The following CRAMP1 variants were observed in gnomAD, a reference collection of about 807,000 sequenced individuals.
CRAMP1 encodes the protein cramped chromatin regulator 1.
CRAMP1 carries 50 observed loss-of-function variants against 115.4 expected under a neutral mutation model. That is an observed-to-expected ratio of 0.43 (90% CI 0.35 to 0.55). The LOEUF is 0.55. Ranked by LOEUF, CRAMP1 falls within the 20% of genes least tolerant of loss-of-function variation. The probability of loss-of-function intolerance (pLI) is 0.01; values close to 1 mark genes in which losing one functional copy is unlikely to be tolerated. For synonymous variants in CRAMP1, 866 were observed against 745.4 expected (o/e 1.16, Z -2.64); for missense variants, 1,679 against 1,721.7 (o/e 0.98, Z 0.44).
In CRAMP1 at chr16:1,614,699, G is replaced by A; in HGVS notation, c.60G>A (p.Lys20=). 2 of 1,335,230 alleles carry A rather than the reference G, an allele frequency of 1.5e-6. No homozygotes were observed. Among genetic ancestry groups the A allele is most frequent in the South Asian group, 2.1e-5 (1 of 46,722 alleles). 82.7% of individuals were successfully genotyped at this position (1,335,230 alleles called of 1,614,324 possible). ...AGGACGGGCTCAAGAAGCTGGGCAA[G>A]CGGGCGGCCGATGAGGAGTCCCTGG... is the stretch of plus-strand genomic sequence containing the variant. ...SGEDGLKKLG[K]RAADEESLEG... is the part of the protein sequence containing the mutation. The change falls in exon 2 of 21, where the codon AAG becomes AAA. Residue 20 remains lysine, a synonymous_variant. Coordinates refer to ENST00000397412, the MANE Select transcript of CRAMP1 (RefSeq NM_020825.4). The surrounding 1 kb of genome is among the most constrained non-coding windows in gnomAD (Gnocchi z 4.4).
chr16:1,674,192 A>G lies in CRAMP1; in HGVS notation c.*147A>G. The G allele has an allele frequency of 1.3e-6, 1 of 768,882 alleles. No individual in the cohort carries two copies. The allele number at this position is 768,882 out of a possible 1,614,324, so 47.6% of individuals were successfully genotyped here. The stretch of plus-strand genomic sequence containing the variant: ...AACGTGGTCACAGAGCTGCTTCCCC[A>G]CGAGCAGCAGGCAACGGCGTCCAAG... On this transcript the variant is annotated 3_prime_UTR_variant, in exon 21 of 21. Transcript: ENST00000397412.
chr16:1,669,176 G>T lies in CRAMP1; in HGVS notation c.3499+11G>T. 6.4e-7 allele frequency: 1 copy of T among 1,567,912 alleles called. No homozygotes were observed. The highest frequency in any genetic ancestry group is 8.6e-7 in the Non-Finnish European group (1 of 1,156,428). On this transcript the variant is annotated intron_variant, in intron 19 of 20. Transcript: ENST00000397412. The surrounding 1 kb of genome is among the most constrained non-coding windows in gnomAD (Gnocchi z 4.6). ...TCAGCAGCCTGTTTGGTGAGTGTATGGGGAGGGCTCCCATCTCCTTTTCCA... is the reference window on the plus strand; with the variant it reads ...TCAGCAGCCTGTTTGGTGAGTGTATTGGGAGGGCTCCCATCTCCTTTTCCA...
At position 1,674,958 on chromosome 16, in the gene CRAMP1, CTGTT is replaced by C. The variant is rs1251025959; in HGVS notation, c.*916_*919del. The C allele has an allele frequency of 6.6e-6, 1 of 152,254 alleles. No individual in the cohort carries two copies. The highest frequency in any genetic ancestry group is 1.5e-5 in the Non-Finnish European group (1 of 68,056). 9.4% of individuals were successfully genotyped at this position (152,254 alleles called of 1,614,324 possible). On this transcript the variant is annotated 3_prime_UTR_variant, in exon 21 of 21. Coordinates refer to ENST00000397412, the MANE Select transcript of CRAMP1 (RefSeq NM_020825.4). Reference sequence around the variant, plus strand: ...ATAAGTTCTCAAACTCGATGTGTGACTGTTTGGCACTTGAGACAAACCTGCCTTT... The same window carrying C: ...ATAAGTTCTCAAACTCGATGTGTGACTGGCACTTGAGACAAACCTGCCTTT...
At chr16:1,644,482 T>C (rs1046052627) in intron 6 of CRAMP1, among the ~76,000 whole-genome samples, 5 of 152,120 alleles carry the variant, frequency 3.3e-5, no homozygotes, top group African/African-American at 4.8e-5. Flanking sequence ...TAGCATGTGG[T>C]GTAGACATGT....
chr16:1,674,103 C>T lies in CRAMP1; in HGVS notation c.*58C>T. 6.5e-7 allele frequency: 1 copy of T among 1,529,156 alleles called. No individual in the cohort carries two copies. The highest frequency in any genetic ancestry group is 2.4e-5 in the East Asian group (1 of 42,284). The allele number at this position is 1,529,156 out of a possible 1,614,324, so 94.7% of individuals were successfully genotyped here. A position where few individuals can be genotyped will look rare whatever the true frequency, so the allele number is the denominator to read the frequency against. ...CGAGCTAGAGAAAAATAGATAAGCC[C>T]AGCAGCCCCAGAAGATGGTCTGAAC... On this transcript the variant is annotated 3_prime_UTR_variant, in exon 21 of 21. Coordinates refer to ENST00000397412, the MANE Select transcript of CRAMP1 (RefSeq NM_020825.4).
chr16:1,667,341 G>A lies in CRAMP1; in HGVS notation c.3043G>A (p.Asp1015Asn), dbSNP rs768371106. 35 of 1,612,906 alleles carry A rather than the reference G, an allele frequency of 2.2e-5. No individual in the cohort carries two copies. The highest frequency in any genetic ancestry group is 1.5e-4 in the South Asian group (14 of 91,054). The part of the protein sequence containing the change: ...GDTLPTVGGS[D>N]PFVSIPSRPE... The stretch of plus-strand genomic sequence containing the variant: ...GGGCGTGCTCTTCCTGCAGGGCTCC[G>A]ACCCATTTGTCAGCATCCCTTCGAG... The change falls in exon 17 of 21, where the codon GAC becomes AAC. Residue 1015 changes from aspartate to asparagine, a missense_variant. Transcript: ENST00000397412.
rs567829484 is a variant in CRAMP1, at chr16:1,636,371, CAAAA to C, written c.695-1443_695-1440del. 1.3e-3 allele frequency among the ~76,000 whole-genome samples: 158 copies of C among 124,380 alleles called. 1 individual carries two copies. The highest frequency in any genetic ancestry group is 4.5e-3 in the African/African-American group (151 of 33,612). 81.6% of individuals were successfully genotyped at this position (124,380 alleles called of 152,430 possible). ...GGGCAACAAGAGCGAAACTCTGTCT[CAAAA>C]AAAAAAAAAGAAAGAAAGAAAAAAA... is the stretch of plus-strand genomic sequence containing the variant. On this transcript the variant is annotated intron_variant, in intron 4 of 20. Transcript: ENST00000397412.
At chr16:1,662,266 A>G (rs2036837990) in intron 11 of CRAMP1, among the ~76,000 whole-genome samples, 3 of 152,228 alleles carry the variant, frequency 2.0e-5, no homozygotes, top group African/African-American at 4.8e-5. Flanking sequence ...CTTTTGTCCT[A>G]TCCAGGAGAC....
chr16:1,613,149 A>G (rs955090719), intron 1 of CRAMP1, among the ~76,000 whole-genome samples: 3 of 152,014 alleles, frequency 2.0e-5, no homozygotes, highest in Middle Eastern at 3.2e-3. Flanking sequence ...CTTGAGTGGA[A>G]AGAGGTGGGT....
chr16:1,658,431 A>G (rs1347269188), intron 10 of CRAMP1, among the ~76,000 whole-genome samples: 2 of 152,144 alleles, frequency 1.3e-5, no homozygotes, highest in Non-Finnish European at 2.9e-5. Context: ...GGAAGGGGCC[A>G]GGGTGGGCTC....
chr16:1,641,101 A>G, intron 5 of CRAMP1, 38 bp from the exon 6 acceptor site: 1 of 1,466,840 alleles, frequency 6.8e-7, no homozygotes, highest in Non-Finnish European at 9.5e-7. Context: ...GCTCCTAACT[A>G]CATTGTGGTC....
chr16:1,615,829 A>C (rs2036414178), intron 2 of CRAMP1, among the ~76,000 whole-genome samples: 1 of 152,242 alleles, frequency 6.6e-6, no homozygotes, highest in African/African-American at 2.4e-5. Context: ...ATAAATAGCA[A>C]ATATAACATC....
In CRAMP1 at chr16:1,655,244, G is replaced by A; in HGVS notation, c.1063G>A (p.Val355Ile). The change falls in exon 9 of 21, where the codon GTC (valine) becomes ATC (isoleucine). Residue 355 changes from valine to isoleucine, a missense_variant. Coordinates refer to ENST00000397412, the MANE Select transcript of CRAMP1 (RefSeq NM_020825.4). ...LRMIVELHRK[V>I]SSLIEFLKQK... The stretch of plus-strand genomic sequence containing the variant: ...GATGATCGTGGAGCTACATCGAAAG[G>A]TCTCCAGCCTCATCGAATTCTTGAA... The A allele has an allele frequency of 6.2e-7, 1 of 1,613,984 alleles. No individual in the cohort carries two copies. The highest frequency in any genetic ancestry group is 8.5e-7 in the Non-Finnish European group (1 of 1,179,858).
chr16:1,661,701 G>GTCTCCTGCC (rs1393037546), intron 11 of CRAMP1, among the ~76,000 whole-genome samples: 5 of 151,458 alleles, frequency 3.3e-5, no homozygotes, highest in Non-Finnish European at 7.4e-5. Context: ...GTTCAAGCGA[G>GTCTCCTGCC]TCTCCTGCCT....
Position 1,656,104 on chromosome 16 carries a change from C to T in CRAMP1, c.1347C>T (p.Gly449=). Residue 449 remains glycine, a synonymous_variant, in exon 10 of 21, where the codon GGC becomes GGT. Coordinates refer to ENST00000397412, the MANE Select transcript of CRAMP1 (RefSeq NM_020825.4). The surrounding 1 kb of genome is among the most constrained non-coding windows in gnomAD (Gnocchi z 5.6). ...AHVLPPAQIL[G]IQSGQGTARG... is the part of the protein sequence containing the mutation. ...TGCTGCCCCCAGCCCAGATCCTGGG[C>T]ATCCAGAGTGGGCAGGGCACGGCCC... 2 of 1,609,810 alleles carry T rather than the reference C, an allele frequency of 1.2e-6. No homozygotes were observed. Among genetic ancestry groups the T allele is most frequent in the Non-Finnish European group, 1.7e-6 (2 of 1,178,818 alleles).
At chr16:1,619,368 A>G (rs1006154934) in intron 2 of CRAMP1, among the ~76,000 whole-genome samples, 1 of 152,062 alleles carries the variant, frequency 6.6e-6, no homozygotes, top group Non-Finnish European at 1.5e-5. Flanking sequence ...TTTAGTAGAG[A>G]TGGGGTTTTA....
At chr16:1,657,022 C>A (rs745996213) in intron 10 of CRAMP1, 30 bp downstream of exon 10, 3 of 1,471,600 alleles carry the variant, frequency 2.0e-6, no homozygotes, top group Admixed American at 2.5e-5. Context: ...GCCCCTCTGG[C>A]GGCCCAAGGG....
Position 1,669,164 on chromosome 16 carries a change from T to A in CRAMP1, c.3498T>A (p.Phe1166Leu). The A allele has an allele frequency of 6.3e-7, 1 of 1,597,842 alleles. No individual in the cohort carries two copies. The highest frequency in any genetic ancestry group is 8.5e-7 in the Non-Finnish European group (1 of 1,171,364). The change falls in exon 19 of 21, where the codon TTT becomes TTA. Residue 1166 changes from phenylalanine (F) to leucine (L), a missense_variant and splice_region_variant. By Grantham distance (22) the Phe-to-Leu change is conservative. Around this residue, in one of 8 missense-constraint regions of CRAMP1, gnomAD observed 709 missense variants for 741.9 expected, o/e 0.96. Coordinates refer to ENST00000397412, the MANE Select transcript of CRAMP1 (RefSeq NM_020825.4). The surrounding 1 kb of genome is among the most constrained non-coding windows in gnomAD (Gnocchi z 4.6). ...DSTDSSLSSLFASFISPEKSR... is the reference protein window; with the variant it reads ...DSTDSSLSSLLASFISPEKSR... ...CCGACTCCTCGCTCAGCAGCCTGTT[T>A]GGTGAGTGTATGGGGAGGGCTCCCA...
intron 3 of CRAMP1, among the ~76,000 whole-genome samples, chr16:1,627,908 T>A (rs1370649648): frequency 6.6e-6 from 1 of 152,180 alleles, no homozygotes; most frequent in Non-Finnish European, 1.5e-5. Context: ...AAACAATTAC[T>A]CCTGTGGTGT....
Sources: gnomAD v4.1 joint callset for allele counts (sites outside exome capture counted in the v4.1 genomes callset) on GRCh38, gnomAD v4.1.1 for gene constraint, gnomAD v4.1.1 regional missense constraint, Gnocchi (gnomAD v3.1) non-coding constraint, MANE v1.5 for transcripts, NCBI Gene and HGNC (gene_info 2026-07-23, HGNC 2026-07-21) for gene names.